KALRN: variants seen among roughly 807,000 people sequenced by gnomAD.
The protein encoded by KALRN is kalirin.
KALRN carries 70 observed loss-of-function variants against 353.7 expected under a neutral mutation model. The observed-to-expected ratio is 0.20, with a 90% CI of 0.16 to 0.24. The LOEUF is 0.24. Among genes scored for constraint, KALRN ranks in the 10% least tolerant of loss-of-function variants. The pLI is 1.00. For synonymous variants in KALRN, 1,391 were observed against 1,434.8 expected (o/e 0.97, Z 0.69); for missense variants, 2,791 against 3,756.7 (o/e 0.74, Z 6.72).
chr3:124,530,966 A>G (rs1171485647), intron 33 of KALRN, among the ~76,000 whole-genome samples: 1 of 152,214 alleles, frequency 6.6e-6, no homozygotes, highest in Non-Finnish European at 1.5e-5. Flanking sequence ...ACAAGGACTT[A>G]CTTCTTGTTA....
At chr3:124,328,268 G>A (rs2080131445) in intron 7 of KALRN, among the ~76,000 whole-genome samples, 2 of 152,272 alleles carry the variant, frequency 1.3e-5, no homozygotes, top group East Asian at 3.9e-4. Flanking sequence ...AGGGCCATGA[G>A]AATATTGCTG....
At chr3:124,686,583 C>G (rs60180418) in intron 51 of KALRN, among the ~76,000 whole-genome samples, 3 of 152,048 alleles carry the variant, frequency 2.0e-5, no homozygotes, top group Non-Finnish European at 4.4e-5. Flanking sequence ...GGTATATGGT[C>G]TGAGTACCTG....
chr3:124,108,926 A>G (rs1440253513), intron 1 of KALRN, among the ~76,000 whole-genome samples: 1 of 152,216 alleles, frequency 6.6e-6, no homozygotes, highest in Non-Finnish European at 1.5e-5. Context: ...CACCATGAAT[A>G]TAATTTGGGA....
At position 124,666,592 on chromosome 3, in the gene KALRN, G is replaced by T. The variant is rs1404148966; in HGVS notation, c.6489G>T (p.Lys2163Asn). The T allele has an allele frequency of 5.0e-6, 8 of 1,614,116 alleles. No individual in the cohort carries two copies. The highest frequency in any genetic ancestry group is 6.8e-6 in the Non-Finnish European group (8 of 1,179,996). ...TCATCTTCAGTGAACTGCTCAGGAAGGGATCCCTCACCCCTGGCTACATGT... is the reference window on the plus strand; with the variant it reads ...TCATCTTCAGTGAACTGCTCAGGAATGGATCCCTCACCCCTGGCTACATGT... ...QIVIFSELLR[K>N]GSLTPGYMFK... Residue 2163 changes from lysine (K) to asparagine (N), a missense_variant, in exon 46 of 60, where the codon AAG becomes AAT. Physicochemically the swap from Lys to Asn is moderately conservative, Grantham distance 94 (BLOSUM62 0). Coordinates refer to ENST00000682506, the MANE Select transcript of KALRN (RefSeq NM_001388419.1).
intron 1 of KALRN, among the ~76,000 whole-genome samples, chr3:124,218,304 G>A (rs564307267): frequency 6.6e-6 from 1 of 152,242 alleles, no homozygotes; most frequent in Admixed American, 6.5e-5. Context: ...ATTTGTGCTG[G>A]GGAAAAGGGA....
intron 1 of KALRN, among the ~76,000 whole-genome samples, chr3:124,209,799 A>G (rs1219159243): frequency 6.6e-6 from 1 of 152,250 alleles, no homozygotes; most frequent in East Asian, 1.9e-4. Context: ...CCTTGGGCAA[A>G]TCACATCATC....
intron 10 of KALRN, among the ~76,000 whole-genome samples, chr3:124,352,506 A>G (rs770243305): frequency 6.6e-6 from 1 of 152,240 alleles, no homozygotes; most frequent in Non-Finnish European, 1.5e-5. Context: ...AGAGCACCAA[A>G]TCACATTTAA....
Position 124,462,394 on chromosome 3 carries a change from G to A in KALRN, c.3922-130G>A, listed in dbSNP as rs528597463. On this transcript the variant is annotated intron_variant, in intron 24 of 59. Coordinates refer to ENST00000682506, the MANE Select transcript of KALRN (RefSeq NM_001388419.1). ...TCTTTCTCTTATGTTTACTTAACAC[G>A]TCACTTTTTAAACTCTGCACGCATT... 4.6e-5 allele frequency: 27 copies of A among 589,462 alleles called. No homozygotes were observed. The South Asian group carries it at 5.2e-4, about 11-fold the overall frequency. The allele number at this position is 589,462 out of a possible 1,614,324, so 36.5% of individuals were successfully genotyped here. A position where few individuals can be genotyped will look rare whatever the true frequency, so the allele number is the denominator to read the frequency against.
intron 34 of KALRN, among the ~76,000 whole-genome samples, chr3:124,567,049 A>G (rs2072932147): frequency 6.6e-6 from 1 of 152,148 alleles, no homozygotes; most frequent in East Asian, 1.9e-4. Flanking sequence ...GTTCTTGATG[A>G]TCCACTAGCA....
chr3:124,692,933 G>A (rs2061887579), intron 51 of KALRN, among the ~76,000 whole-genome samples: 1 of 152,204 alleles, frequency 6.6e-6, no homozygotes, highest in Non-Finnish European at 1.5e-5. Flanking sequence ...GGGGGGAAAA[G>A]TGACCATCTC....
chr3:124,273,157 T>G lies in KALRN; in HGVS notation c.969+3902T>G, dbSNP rs1041931017. Among the ~76,000 whole-genome samples, 5 of 152,346 alleles carry G rather than the reference T, an allele frequency of 3.3e-5. No homozygotes were observed. In the South Asian group the frequency reaches 1.0e-3, roughly 32 times the overall value. On this transcript the variant is annotated intron_variant, in intron 5 of 59. Coordinates refer to ENST00000682506, the MANE Select transcript of KALRN (RefSeq NM_001388419.1). ...GTGTTCCCCATTTACCAGCTGGCCT[T>G]GGGGAGTGAAGCTGCCTCTCACTTA...
chr3:124,323,409 G>A (rs996763315), intron 6 of KALRN, among the ~76,000 whole-genome samples: 1 of 152,176 alleles, frequency 6.6e-6, no homozygotes, highest in African/African-American at 2.4e-5. Flanking sequence ...TGGGCAGGGG[G>A]TGGATGGGCA....
intron 37 of KALRN, among the ~76,000 whole-genome samples, chr3:124,649,334 C>T (rs529808751): frequency 6.6e-6 from 1 of 152,298 alleles, no homozygotes; most frequent in South Asian, 2.1e-4. Flanking sequence ...TCACTGAAGG[C>T]CAAGCTGAAG....
At chr3:124,233,476 G>A (rs1214699812) in intron 2 of KALRN, among the ~76,000 whole-genome samples, 1 of 152,156 alleles carries the variant, frequency 6.6e-6, no homozygotes, top group Non-Finnish European at 1.5e-5. Context: ...GCCCTGAGTG[G>A]GGGCGCTGGG....
chr3:124,071,490 A>C (rs1204040700), intron 1 of KALRN, among the ~76,000 whole-genome samples: 1 of 152,234 alleles, frequency 6.6e-6, no homozygotes, highest in African/African-American at 2.4e-5. Flanking sequence ...AGCAGAAGAC[A>C]TCTTAGTCTA....
intron 13 of KALRN, among the ~76,000 whole-genome samples, chr3:124,409,149 G>A (rs1378088842): frequency 6.6e-6 from 1 of 152,168 alleles, no homozygotes; most frequent in African/African-American, 2.4e-5. Flanking sequence ...TAATTCAGGA[G>A]AGTGGGGGAG....
intron 34 of KALRN, among the ~76,000 whole-genome samples, chr3:124,566,411 G>A (rs186103694): frequency 1.4e-3 from 213 of 152,098 alleles, no homozygotes; most frequent in African/African-American, 4.2e-3. Context: ...AGGCTGAGGT[G>A]GGAGGATCAC....
chr3:124,564,005 CAAAAA>C (rs56072904), intron 34 of KALRN, among the ~76,000 whole-genome samples: 3 of 96,442 alleles, frequency 3.1e-5, no homozygotes, highest in East Asian at 2.8e-4. Context: ...GACTCTGTCT[CAAAAA>C]AAAAAAAAAA....
At chr3:124,314,148 C>T (rs1428279245) in intron 6 of KALRN, among the ~76,000 whole-genome samples, 2 of 152,058 alleles carry the variant, frequency 1.3e-5, no homozygotes, top group Non-Finnish European at 1.5e-5. Context: ...GGCACATATA[C>T]ACCATGGAAT....
Sources: allele counts gnomAD v4.1 joint callset (sites outside exome capture counted in the v4.1 genomes callset), GRCh38; gene constraint gnomAD v4.1.1; transcripts MANE v1.5; gene names NCBI Gene and HGNC (gene_info 2026-07-23, HGNC 2026-07-21).